Variants in SRGAP3 observed in about 807,000 individuals in gnomAD.
SRGAP3 encodes the protein SLIT-ROBO Rho GTPase activating protein 3.
In SRGAP3, 39 loss-of-function variants were observed where a neutral mutation model predicts 121.1. That is an observed-to-expected ratio of 0.32 (90% CI 0.25 to 0.42). SRGAP3 has a LOEUF of 0.42. SRGAP3 is among the 10% of genes least tolerant of loss of function. The pLI is 1.00. For missense variants in SRGAP3, 1,213 were observed against 1,470.6 expected, an observed-to-expected ratio of 0.82 and a Z score of 2.86; for synonymous variants, 601 against 570.0, an observed-to-expected ratio of 1.05 and a Z score of -0.77.
Position 8,985,468 on chromosome 3 carries a change from T to C in SRGAP3, c.*51A>G, listed in dbSNP as rs747830121. ...CACGTGGAAGCCACCAAGGCCACCC[T>C]GGGCCGTGGTGAGCCACAGCGGGCC... On this transcript the variant is annotated 3_prime_UTR_variant, in exon 22 of 22. Coordinates refer to ENST00000383836, the MANE Select transcript of SRGAP3 (RefSeq NM_014850.4). This position sits in a 1 kb window ranked among gnomAD's most constrained non-coding sequence, Gnocchi z 5.1. The C allele has an allele frequency of 2.5e-6, 4 of 1,593,692 alleles. No individual in the cohort carries two copies. The highest frequency in any genetic ancestry group is 2.2e-5 in the South Asian group (2 of 90,354).
At chr3:9,023,222 C>T (rs1263451976) in intron 14 of SRGAP3, among the ~76,000 whole-genome samples, 2 of 152,116 alleles carry the variant, frequency 1.3e-5, no homozygotes, top group Non-Finnish European at 2.9e-5. Context: ...CAGGAGGAGG[C>T]AACCAGCAAA....
At position 9,113,958 on chromosome 3, in the gene SRGAP3, G is replaced by A. The variant is rs567019326; in HGVS notation, c.261-9116C>T. Among the ~76,000 whole-genome samples, 3 of 152,302 alleles carry A rather than the reference G, an allele frequency of 2.0e-5. No homozygotes were observed. The East Asian group carries it at 5.8e-4, about 29-fold the overall frequency. ...CCCCCACCCACCAGGAGTCCCCCGA[G>A]GAGTGTGAGGCTGCCATGCTGGGAG... is the stretch of plus-strand genomic sequence containing the variant. On this transcript the variant is annotated intron_variant, in intron 2 of 21. Transcript: ENST00000383836.
At chr3:9,098,546 T>G (rs994469214) in intron 3 of SRGAP3, among the ~76,000 whole-genome samples, 1 of 152,200 alleles carries the variant, frequency 6.6e-6, no homozygotes, top group African/African-American at 2.4e-5. Context: ...ATCACAGGTG[T>G]GAGCCACTGC....
intron 1 of SRGAP3, among the ~76,000 whole-genome samples, chr3:9,171,918 T>C (rs535790678): frequency 1.3e-5 from 2 of 152,190 alleles, no homozygotes; most frequent in South Asian, 2.1e-4. Context: ...ATCTGTTCTA[T>C]GCCTCTGTCC....
At chr3:9,286,594 T>C (rs1358803501) in intron 3 of SRGAP3, among the ~76,000 whole-genome samples, 1 of 152,178 alleles carries the variant, frequency 6.6e-6, no homozygotes, top group African/African-American at 2.4e-5. Flanking sequence ...TTATTTTGTT[T>C]TTGTCGTTGT....
At chr3:9,317,848 T>A (rs1955373710) in intron 3 of SRGAP3, among the ~76,000 whole-genome samples, 1 of 152,158 alleles carries the variant, frequency 6.6e-6, no homozygotes, top group Non-Finnish European at 1.5e-5. Flanking sequence ...GCCTCACACA[T>A]CAAGCAAGAC....
intron 3 of SRGAP3, among the ~76,000 whole-genome samples, chr3:9,093,992 T>C (rs1034174245): frequency 6.6e-6 from 1 of 152,144 alleles, no homozygotes; most frequent in Non-Finnish European, 1.5e-5. Context: ...AACACATCAC[T>C]CAAATTAGAT....
chr3:9,022,313 C>T (rs1026478910), intron 14 of SRGAP3, among the ~76,000 whole-genome samples: 6 of 152,058 alleles, frequency 3.9e-5, no homozygotes, highest in East Asian at 1.9e-4. Context: ...GGTGACAGAG[C>T]GAGACTCCAT....
At chr3:9,245,103 C>T (rs184537030) in intron 1 of SRGAP3, among the ~76,000 whole-genome samples, 1 of 152,320 alleles carries the variant, frequency 6.6e-6, no homozygotes, top group East Asian at 1.9e-4. Flanking sequence ...ATAATATAAT[C>T]TTTTGGAGGT....
rs548724626 is a variant in SRGAP3 at position 9,059,823 on chromosome 3, G to A, written c.801+408C>T. 1.0e-5 allele frequency: 3 copies of A among 297,444 alleles called. No individual in the cohort carries two copies. The East Asian group carries it at 2.5e-4, about 24-fold the overall frequency. 18.4% of individuals were successfully genotyped at this position (297,444 alleles called of 1,614,324 possible). ...TTCGCATGTACACGTGTCTGGCTGA[G>A]TGGCCCTAGGGGCGCCAAACATTTT... On this transcript the variant is annotated intron_variant, in intron 6 of 21. Transcript: ENST00000383836.
intron 3 of SRGAP3, among the ~76,000 whole-genome samples, chr3:9,325,035 A>C (rs893148016): frequency 5.9e-5 from 9 of 151,368 alleles, no homozygotes; most frequent in Non-Finnish European, 1.0e-4. Context: ...CCTTAGCACC[A>C]CTCTCAGTTA....
intron 1 of SRGAP3, among the ~76,000 whole-genome samples, chr3:9,181,742 C>T (rs1483041634): frequency 1.3e-5 from 2 of 152,146 alleles, no homozygotes; most frequent in African/African-American, 4.8e-5. Context: ...TAAAGGCCCA[C>T]GTGATTAGAT....
intron 3 of SRGAP3, among the ~76,000 whole-genome samples, chr3:9,306,382 T>C (rs1955162257): frequency 6.6e-6 from 1 of 152,210 alleles, no homozygotes; most frequent in African/African-American, 2.4e-5. Context: ...ACTCTGATGG[T>C]ACTTTCTTTT....
At chr3:8,997,832 T>A (rs1942500893) in intron 18 of SRGAP3, among the ~76,000 whole-genome samples, 1 of 152,132 alleles carries the variant, frequency 6.6e-6, no homozygotes, top group East Asian at 1.9e-4. Context: ...GTTATAAACA[T>A]CAGTATACTT....
intron 18 of SRGAP3, among the ~76,000 whole-genome samples, chr3:9,006,182 C>T (rs1409298418): frequency 4.6e-5 from 7 of 151,952 alleles, no homozygotes; most frequent in African/African-American, 1.2e-4. Flanking sequence ...AAGCAGATCA[C>T]GAGGTCAGGA....
In SRGAP3 at chr3:9,056,224, C is replaced by T; in HGVS notation, c.1125+9G>A. On this transcript the variant is annotated intron_variant, in intron 8 of 21. Transcript: ENST00000383836. ...GAAAATCCCTTATAGGGCAGAGGGG[C>T]TCACTCACCTCCTCATTCTCTATCT... is the stretch of plus-strand genomic sequence containing the variant. 6.2e-7 allele frequency: 1 copy of T among 1,613,336 alleles called. No individual in the cohort carries two copies. Among genetic ancestry groups the T allele is most frequent in the Non-Finnish European group, 8.5e-7 (1 of 1,179,402 alleles).
At chr3:9,096,939 A>G (rs13327167) in intron 3 of SRGAP3, among the ~76,000 whole-genome samples, 2,566 of 22,772 alleles carry the variant, frequency 0.11, 134 homozygotes, top group African/African-American at 0.29. Context: ...ATTATTTTGT[A>G]TATATATATA....
intron 12 of SRGAP3, among the ~76,000 whole-genome samples, chr3:9,027,890 T>C (rs940176705): frequency 1.3e-5 from 2 of 152,194 alleles, no homozygotes; most frequent in African/African-American, 2.4e-5. Context: ...GCACATGTAA[T>C]ATGCTCTTGT....
At chr3:9,157,798 T>C (rs1575160769) in intron 1 of SRGAP3, among the ~76,000 whole-genome samples, 1 of 152,174 alleles carries the variant, frequency 6.6e-6, no homozygotes. Flanking sequence ...CCCACACATA[T>C]GTATATGTCA....
Sources: allele counts gnomAD v4.1 joint callset (sites outside exome capture counted in the v4.1 genomes callset), GRCh38; gene constraint gnomAD v4.1.1; non-coding constraint Gnocchi (gnomAD v3.1); transcripts MANE v1.5; gene names NCBI Gene and HGNC (gene_info 2026-07-23, HGNC 2026-07-21).